Variants in BRD3 observed in about 807,000 individuals in gnomAD.
BRD3 encodes the protein bromodomain containing 3.
In BRD3, 17 loss-of-function variants were observed where a neutral mutation model predicts 66.8. The ratio of observed to expected loss-of-function variants is 0.25; its 90% CI spans 0.17 to 0.38. The LOEUF (loss-of-function observed/expected upper bound fraction) is 0.38. Among genes scored for constraint, BRD3 ranks in the 10% least tolerant of loss-of-function variants. BRD3 has a pLI of 1.00. For missense variants in BRD3, 713 were observed against 956.1 expected, an observed-to-expected ratio of 0.75 and a Z score of 3.35; for synonymous variants, 421 against 393.2, an observed-to-expected ratio of 1.07 and a Z score of -0.84.
At position 134,045,705 on chromosome 9, in the gene BRD3, T is replaced by C. The variant is rs1308933133; in HGVS notation, c.1087-284A>G. The stretch of plus-strand genomic sequence containing the variant: ...ATGCACTCAACAAGAAATCCCAGGT[T>C]CCCGTAGGCGTCCCTTGGCCCCTTC... On this transcript the variant is annotated intron_variant, in intron 6 of 11. Transcript: ENST00000303407. This position sits in a 1 kb window ranked among gnomAD's most constrained non-coding sequence, Gnocchi z 4.8. Among the ~76,000 whole-genome samples the C allele has an allele frequency of 1.3e-5, 2 of 152,114 alleles. No homozygotes were observed. Among genetic ancestry groups the C allele is most frequent in the African/African-American group, 4.8e-5 (2 of 41,406 alleles).
chr9:134,064,509 C>T (rs1340746938), intron 1 of BRD3, among the ~76,000 whole-genome samples: 1 of 152,114 alleles, frequency 6.6e-6, no homozygotes, highest in Admixed American at 6.6e-5. Context: ...CCATTACACA[C>T]CAGCCTGGGC....
rs765527674 is a variant in BRD3, at chr9:134,033,013, T to TC, written c.*576dup. ...TCCCACCCGACCACCCCCCAAGGGCTCCACGCTCCGGGCTGGGGCTGCGAT... is the reference window on the plus strand; with the variant it reads ...TCCCACCCGACCACCCCCCAAGGGCTCCCACGCTCCGGGCTGGGGCTGCGAT... On this transcript the variant is annotated 3_prime_UTR_variant, in exon 12 of 12. Transcript: ENST00000303407. The surrounding 1 kb of genome is among the most constrained non-coding windows in gnomAD (Gnocchi z 5.1). 30 of 397,524 alleles carry TC rather than the reference T, an allele frequency of 7.5e-5. No homozygotes were observed. Among genetic ancestry groups the TC allele is most frequent in the Non-Finnish European group, 1.2e-4 (26 of 225,944 alleles). 24.6% of individuals were successfully genotyped at this position (397,524 alleles called of 1,614,324 possible). A position where few individuals can be genotyped will look rare whatever the true frequency, so the allele number is the denominator to read the frequency against.
rs765029375 is a variant in BRD3 at position 134,036,308 on chromosome 9, C to T, written c.1660G>A (p.Gly554Ser). Reference sequence around the variant, plus strand: ...TCGTAGGAGGCAGATGCCTGCTTGCCGCCTTTCTTCAGCTGTCTGGGGCAG... The same window carrying T: ...TCGTAGGAGGCAGATGCCTGCTTGCTGCCTTTCTTCAGCTGTCTGGGGCAG... ...TTAGRQLKKG[G>S]KQASASYDSE... is the part of the protein sequence containing the mutation. The change falls in exon 10 of 12, where the codon GGC (glycine) becomes AGC (serine). Residue 554 changes from glycine (G) to serine (S), a missense_variant. Physicochemically the swap from Gly to Ser is moderately conservative, Grantham distance 56 (BLOSUM62 0). This residue lies in a region of BRD3 where 418 missense variants were observed against 609.3 expected (regional missense o/e 0.69). Transcript: ENST00000303407. 16 of 1,604,608 alleles carry T rather than the reference C, an allele frequency of 1.0e-5. No individual in the cohort carries two copies. Among genetic ancestry groups the T allele is most frequent in the Admixed American group, 1.7e-5 (1 of 59,162 alleles).
intron 3 of BRD3, among the ~76,000 whole-genome samples, 165 bp from the exon 4 acceptor site, chr9:134,051,874 T>G: frequency 9.5e-6 from 1 of 104,984 alleles, no homozygotes. Context: ...TGTGTGTGTG[T>G]GTGTTGTTTT....
Position 134,034,447 on chromosome 9 carries a change from C to CT in BRD3, c.2065+253dup, listed in dbSNP as rs1843566586. On this transcript the variant is annotated intron_variant, in intron 11 of 11. Transcript: ENST00000303407. ...CAAGAGCCCTCTCCTGGGGGGTCCT[C>CT]TGTCTGTGGTGCCCTGGAATGGGCT... The CT allele has an allele frequency of 8.1e-6, 4 of 491,446 alleles. No homozygotes were observed. The Admixed American group carries it at 1.3e-4, about 16-fold the overall frequency. The allele number at this position is 491,446 out of a possible 1,614,324, so 30.4% of individuals were successfully genotyped here. A position where few individuals can be genotyped will look rare whatever the true frequency, so the allele number is the denominator to read the frequency against.
intron 3 of BRD3, among the ~76,000 whole-genome samples, 162 bp from the exon 4 acceptor site, chr9:134,051,871 G>GTTTTTTTTTTTTT (rs1564555774): frequency 1.0e-4 from 11 of 110,540 alleles, no homozygotes; most frequent in African/African-American, 3.9e-4. Context: ...GTGTGTGTGT[G>GTTTTTTTTTTTTT]TGTGTGTTGT....
intron 1 of BRD3, among the ~76,000 whole-genome samples, chr9:134,054,666 C>T (rs1353315738): frequency 6.6e-6 from 1 of 152,196 alleles, no homozygotes; most frequent in Non-Finnish European, 1.5e-5. Flanking sequence ...GGAGCCGGCT[C>T]CGGCCCCAGA....
intron 1 of BRD3, among the ~76,000 whole-genome samples, chr9:134,062,234 C>A (rs1291996258): frequency 2.0e-5 from 3 of 152,166 alleles, no homozygotes; most frequent in African/African-American, 7.2e-5. Flanking sequence ...GCCCCCCATG[C>A]ACAGCGCACC....
At chr9:134,064,309 C>G (rs892659015) in intron 1 of BRD3, among the ~76,000 whole-genome samples, 6 of 152,112 alleles carry the variant, frequency 3.9e-5, no homozygotes, top group African/African-American at 1.4e-4. Flanking sequence ...GGGTGGATCA[C>G]CTGAGGTCAG....
chr9:134,043,222 T>C (rs972956446), intron 7 of BRD3, among the ~76,000 whole-genome samples: 1 of 151,888 alleles, frequency 6.6e-6, no homozygotes, highest in African/African-American at 2.4e-5. Context: ...CCTCCCACCC[T>C]GGCCTCCCAA....
Position 134,032,535 on chromosome 9 carries a change from G to A in BRD3, c.*1055C>T, listed in dbSNP as rs569652075. The A allele has an allele frequency of 1.7e-5, 4 of 231,294 alleles. No homozygotes were observed. The highest frequency in any genetic ancestry group is 2.2e-5 in the African/African-American group (1 of 45,244). The allele number at this position is 231,294 out of a possible 1,614,324, so 14.3% of individuals were successfully genotyped here. On this transcript the variant is annotated 3_prime_UTR_variant, in exon 12 of 12. Coordinates refer to ENST00000303407, the MANE Select transcript of BRD3 (RefSeq NM_007371.4). ...GAACAGACGTGGGTGAGCACCGCGC[G>A]GTGGCAGGAGTTAGCACCTGGAGAC... is the stretch of plus-strand genomic sequence containing the variant.
chr9:134,047,009 C>A (rs1256366150), intron 6 of BRD3, among the ~76,000 whole-genome samples: 1 of 152,212 alleles, frequency 6.6e-6, no homozygotes, highest in Non-Finnish European at 1.5e-5. Flanking sequence ...GAGGCTGCAG[C>A]CGAGGCTCCT....
At chr9:134,047,224 C>T (rs941034850) in intron 6 of BRD3, among the ~76,000 whole-genome samples, 3 of 152,256 alleles carry the variant, frequency 2.0e-5, no homozygotes, top group Admixed American at 6.5e-5. Flanking sequence ...AGAATGACTG[C>T]GACTGGCTTC....
At position 134,034,540 on chromosome 9, in the gene BRD3, C is replaced by T. The variant is rs181233958; in HGVS notation, c.2065+161G>A. 18 of 1,039,460 alleles carry T rather than the reference C, an allele frequency of 1.7e-5. No homozygotes were observed. The Admixed American group carries it at 3.9e-4, about 23-fold the overall frequency. The allele number at this position is 1,039,460 out of a possible 1,614,324, so 64.4% of individuals were successfully genotyped here. A position where few individuals can be genotyped will look rare whatever the true frequency, so the allele number is the denominator to read the frequency against. ...TGGGGTATGACCCCCAGTGACAGAC[C>T]AGGAAATGGAGGTTTCAGGAGCTCA... On this transcript the variant is annotated intron_variant, in intron 11 of 11. Transcript: ENST00000303407.
At chr9:134,066,445 G>A (rs767045450) in intron 1 of BRD3, among the ~76,000 whole-genome samples, 22 of 152,118 alleles carry the variant, frequency 1.4e-4, no homozygotes, top group Admixed American at 3.9e-4. Flanking sequence ...CCCTTGCAGG[G>A]GTTCAGACCT....
Position 134,052,460 on chromosome 9 carries a change from C to G in BRD3, c.214-17G>C. The G allele has an allele frequency of 6.3e-7, 1 of 1,593,488 alleles. No individual in the cohort carries two copies. Among genetic ancestry groups the G allele is most frequent in the Non-Finnish European group, 8.5e-7 (1 of 1,173,912 alleles). On this transcript the variant is annotated splice_polypyrimidine_tract_variant and intron_variant, in intron 2 of 11. Coordinates refer to ENST00000303407, the MANE Select transcript of BRD3 (RefSeq NM_007371.4). ...ATGATAATCCTAGGAAAGAGATTTT[C>G]AGAGGCATTACCAGAAGATTCTACA...
chr9:134,041,690 G>A (rs1381520494), intron 8 of BRD3, 70 bp downstream of exon 8: 9 of 1,537,462 alleles, frequency 5.9e-6, no homozygotes, highest in East Asian at 4.7e-5. Context: ...GCAAAGGGAC[G>A]GACCTTGGGC....
At chr9:134,035,856 C>T (rs999235386) in intron 10 of BRD3, among the ~76,000 whole-genome samples, 176 bp downstream of exon 10, 3 of 152,232 alleles carry the variant, frequency 2.0e-5, no homozygotes, top group Admixed American at 6.5e-5. Context: ...CCCAAGCCCA[C>T]TGGCCCTGGG....
intron 5 of BRD3, among the ~76,000 whole-genome samples, chr9:134,048,949 GGCA>G (rs943888985): frequency 7.9e-5 from 12 of 152,204 alleles, no homozygotes; most frequent in African/African-American, 2.9e-4. Flanking sequence ...ACAAGAGGGA[GGCA>G]GGAGAGCATT....
Sources: gnomAD v4.1 joint callset for allele counts (sites outside exome capture counted in the v4.1 genomes callset) on GRCh38, gnomAD v4.1.1 for gene constraint, gnomAD v4.1.1 regional missense constraint, Gnocchi (gnomAD v3.1) non-coding constraint, MANE v1.5 for transcripts, NCBI Gene and HGNC (gene_info 2026-07-23, HGNC 2026-07-21) for gene names.